Variants in CLASP2 observed in about 807,000 individuals in gnomAD.
CLASP2 encodes cytoplasmic linker associated protein 2.
A neutral mutation model predicts 194.4 loss-of-function variants in CLASP2; 47 were observed. The ratio of observed to expected loss-of-function variants is 0.24; its 90% confidence interval spans 0.19 to 0.31. CLASP2 has a LOEUF of 0.31. Ranked by LOEUF, CLASP2 falls within the 10% of genes least tolerant of loss-of-function variation. The pLI is 1.00. For missense variants in CLASP2, 1,445 were observed against 1,823.6 expected, an observed-to-expected ratio of 0.79 and a Z score of 3.78; for synonymous variants, 619 against 633.5, an observed-to-expected ratio of 0.98 and a Z score of 0.34.
chr3:33,515,479 T>G (rs1292011003), intron 36 of CLASP2, among the ~76,000 whole-genome samples: 2 of 152,144 alleles, frequency 1.3e-5, no homozygotes, highest in South Asian at 4.1e-4. Flanking sequence ...TGAAACTTCA[T>G]CTCTACAAAA....
chr3:33,501,780 A>G lies in CLASP2; in HGVS notation c.4318-12T>C, dbSNP rs1193806883. 3 of 1,572,204 alleles carry G rather than the reference A, an allele frequency of 1.9e-6. No individual in the cohort carries two copies. The South Asian group carries it at 3.3e-5, about 17-fold the overall frequency. ...GAATTATCATAACCCTACGGAGAGA[A>G]GTCCACTGTTAGTACTCCAGAGAAG... On this transcript the variant is annotated splice_polypyrimidine_tract_variant and intron_variant, in intron 37 of 38. Coordinates refer to ENST00000682230, the MANE Select transcript of CLASP2 (RefSeq NM_001365631.1).
At chr3:33,673,975 C>T (rs1202224531) in intron 6 of CLASP2, among the ~76,000 whole-genome samples, 1 of 152,136 alleles carries the variant, frequency 6.6e-6, no homozygotes, top group South Asian at 2.1e-4. Context: ...GAGACTTAGA[C>T]TCCCACATAT....
At chr3:33,546,303 TC>T (rs1417916561) in intron 30 of CLASP2, among the ~76,000 whole-genome samples, 1 of 152,196 alleles carries the variant, frequency 6.6e-6, no homozygotes, top group East Asian at 1.9e-4. Context: ...CCTAAGTATC[TC>T]TGGACCTTCC....
intron 23 of CLASP2, among the ~76,000 whole-genome samples, chr3:33,580,559 C>G (rs1178688843): frequency 6.6e-6 from 1 of 151,008 alleles, no homozygotes; most frequent in African/African-American, 2.4e-5. Flanking sequence ...TGAGACTCCA[C>G]CTCAAAACAA....
chr3:33,708,514 ATG>A (rs1156494441), intron 1 of CLASP2, among the ~76,000 whole-genome samples: 2 of 115,930 alleles, frequency 1.7e-5, no homozygotes, highest in South Asian at 2.8e-4. Context: ...ATGTATATAT[ATG>A]TATATATGTA....
At position 33,689,949 on chromosome 3, in the gene CLASP2, A is replaced by T; in HGVS notation, c.275-17T>A. On this transcript the variant is annotated splice_polypyrimidine_tract_variant and intron_variant, in intron 2 of 38. Transcript: ENST00000682230. ...CTACAATAACTAAAGAAGGGGAGGG[A>T]GTAAAAGAGTAATTACTTATAACTC... The T allele has an allele frequency of 1.3e-6, 2 of 1,484,546 alleles. No individual in the cohort carries two copies. Among genetic ancestry groups the T allele is most frequent in the East Asian group, 4.7e-5 (2 of 42,118 alleles). 92.0% of individuals were successfully genotyped at this position (1,484,546 alleles called of 1,614,324 possible).
chr3:33,714,938 C>T (rs1220016947), intron 1 of CLASP2, among the ~76,000 whole-genome samples: 1 of 152,130 alleles, frequency 6.6e-6, no homozygotes, highest in Admixed American at 6.5e-5. Flanking sequence ...AGAATAAAAT[C>T]CTATGATGTT....
At chr3:33,553,884 A>T (rs1228808311) in intron 29 of CLASP2, among the ~76,000 whole-genome samples, 3 of 152,192 alleles carry the variant, frequency 2.0e-5, no homozygotes, top group Non-Finnish European at 4.4e-5. Context: ...CAGAACGTGG[A>T]AGTGACATCT....
intron 7 of CLASP2, among the ~76,000 whole-genome samples, chr3:33,658,061 A>G (rs887824525): frequency 5.9e-5 from 9 of 152,190 alleles, no homozygotes; most frequent in African/African-American, 1.7e-4. Flanking sequence ...ATTATAAAGT[A>G]TATCTCTAGG....
chr3:33,687,136 CTAAATATAATT>C lies in CLASP2; in HGVS notation c.471-12_471-2del, dbSNP rs2090773326. 2 of 1,574,434 alleles carry C rather than the reference CTAAATATAATT, an allele frequency of 1.3e-6. No individual in the cohort carries two copies. The highest frequency in any genetic ancestry group is 1.7e-6 in the Non-Finnish European group (2 of 1,158,434). ...GATGACTAGTGGCTGAGCCCCAAAACTAAATATAATTTGAGAAAAAAATAAAGAAAATTTGT... is the reference window on the plus strand; with the variant it reads ...GATGACTAGTGGCTGAGCCCCAAAACTGAGAAAAAAATAAAGAAAATTTGT... On this transcript the variant is annotated splice_acceptor_variant and splice_polypyrimidine_tract_variant and intron_variant, in intron 4 of 38. Coordinates refer to ENST00000682230, the MANE Select transcript of CLASP2 (RefSeq NM_001365631.1). LOFTEE classifies it high-confidence loss of function.
chr3:33,612,927 T>C (rs1207909990), intron 12 of CLASP2, among the ~76,000 whole-genome samples: 4 of 152,114 alleles, frequency 2.6e-5, no homozygotes, highest in Admixed American at 6.5e-5. Context: ...GGTTGATTAA[T>C]AGGTATAGAG....
intron 26 of CLASP2, among the ~76,000 whole-genome samples, chr3:33,568,733 G>A (rs1303914553): frequency 6.6e-6 from 1 of 151,888 alleles, no homozygotes; most frequent in Non-Finnish European, 1.5e-5. Flanking sequence ...GGTCTGCAAA[G>A]CCACATTATT....
intron 8 of CLASP2, among the ~76,000 whole-genome samples, chr3:33,642,308 T>C (rs568994638): frequency 6.6e-6 from 1 of 151,938 alleles, no homozygotes; most frequent in Non-Finnish European, 1.5e-5. Flanking sequence ...CTAGGCATTA[T>C]TTAGCCATGA....
chr3:33,519,658 A>T (rs2154106262), intron 34 of CLASP2, among the ~76,000 whole-genome samples: 1 of 152,306 alleles, frequency 6.6e-6, no homozygotes, highest in African/African-American at 2.4e-5. Context: ...AAATGAAAAC[A>T]ACTGCCATAC....
intron 1 of CLASP2, among the ~76,000 whole-genome samples, chr3:33,708,329 A>G (rs947937434): frequency 1.3e-5 from 2 of 148,588 alleles, no homozygotes; most frequent in Admixed American, 6.7e-5. Flanking sequence ...AGATCATGCC[A>G]TATTTGTCTT....
At chr3:33,671,980 C>T (rs1057153813) in intron 6 of CLASP2, among the ~76,000 whole-genome samples, 1 of 152,234 alleles carries the variant, frequency 6.6e-6, no homozygotes, top group Admixed American at 6.5e-5. Flanking sequence ...TCAAGGAGGC[C>T]TGCCTGCCTC....
chr3:33,518,522 G>T (rs1284798227), intron 34 of CLASP2, among the ~76,000 whole-genome samples: 2 of 152,174 alleles, frequency 1.3e-5, no homozygotes, highest in Non-Finnish European at 2.9e-5. Context: ...GCACGCTGCA[G>T]ACCAATATAA....
chr3:33,604,531 C>G (rs1207019673), intron 16 of CLASP2, among the ~76,000 whole-genome samples: 1 of 152,060 alleles, frequency 6.6e-6, no homozygotes, highest in Non-Finnish European at 1.5e-5. Flanking sequence ...GTTTCCCAGG[C>G]TGGTCTCAAA....
intron 1 of CLASP2, among the ~76,000 whole-genome samples, chr3:33,706,292 A>C (rs1012974988): frequency 2.6e-5 from 4 of 152,212 alleles, no homozygotes; most frequent in African/African-American, 9.7e-5. Flanking sequence ...ATGGAAAATA[A>C]AGTTTTAACG....
Sources: allele counts gnomAD v4.1 joint callset (sites outside exome capture counted in the v4.1 genomes callset), GRCh38; gene constraint gnomAD v4.1.1; transcripts MANE v1.5; gene names NCBI Gene and HGNC (gene_info 2026-07-23, HGNC 2026-07-21).